The following VAV1 variants were observed in gnomAD, a reference collection of about 807,000 sequenced individuals.
VAV1 encodes proto-oncogene vav.
Under a neutral mutation model 128.1 loss-of-function variants are expected in VAV1, and 33 were observed. The ratio of observed to expected loss-of-function variants is 0.26; its 90% CI spans 0.20 to 0.34. The LOEUF (loss-of-function observed/expected upper bound fraction) is 0.34, where lower values mean the gene tolerates loss of function less well. Among genes scored for constraint, VAV1 ranks in the 10% least tolerant of loss-of-function variants. The pLI is 1.00. For synonymous variants in VAV1, 394 were observed against 409.8 expected, an observed-to-expected ratio of 0.96 and a Z score of 0.47; for missense variants, 715 against 1,093.7, an observed-to-expected ratio of 0.65 and a Z score of 4.88.
intron 1 of VAV1, among the ~76,000 whole-genome samples, chr19:6,784,774 G>A (rs1310917908): frequency 4.0e-5 from 6 of 151,766 alleles, no homozygotes; most frequent in Admixed American, 2.6e-4. Context: ...GATTACAGAC[G>A]TGAGCCACCA....
At chr19:6,784,493 CTTTTTT>C (rs10590205) in intron 1 of VAV1, among the ~76,000 whole-genome samples, 2 of 138,052 alleles carry the variant, frequency 1.4e-5, no homozygotes, top group Admixed American at 7.3e-5. Context: ...CATTCTGTTC[CTTTTTT>C]TTTTTTTTTT....
intron 1 of VAV1, among the ~76,000 whole-genome samples, chr19:6,773,734 T>C (rs911042185): frequency 6.6e-6 from 1 of 152,060 alleles, no homozygotes; most frequent in Non-Finnish European, 1.5e-5. Context: ...GATTTGACTG[T>C]GGCTGTATGA....
chr19:6,775,255 C>T (rs1970598410), intron 1 of VAV1, among the ~76,000 whole-genome samples: 1 of 152,178 alleles, frequency 6.6e-6, no homozygotes, highest in South Asian at 2.1e-4. Flanking sequence ...CTGTTAGGCC[C>T]CATCTGTTAG....
At chr19:6,850,225 G>GTTTTTTTTTTTTTTTTTTTT (rs760967154) in intron 23 of VAV1, among the ~76,000 whole-genome samples, 9 of 49,054 alleles carry the variant, frequency 1.8e-4, no homozygotes, top group East Asian at 5.6e-4. Flanking sequence ...TTGTTTCTTT[G>GTTTTTTTTTTTTTTTTTTTT]TTTTTTTTTT....
At position 6,828,246 on chromosome 19, in the gene VAV1, C is replaced by T; in HGVS notation, c.1023+75C>T. The T allele has an allele frequency of 6.4e-7, 1 of 1,572,214 alleles. No homozygotes were observed. The highest frequency in any genetic ancestry group is 8.7e-7 in the Non-Finnish European group (1 of 1,149,598). ...TCTATAAAAGTGGGGACGGGGCTGG[C>T]TTCTGGGGGTTGGGTCTCTAGGACG... On this transcript the variant is annotated intron_variant, in intron 10 of 26. Transcript: ENST00000602142. This position sits in a 1 kb window ranked among gnomAD's most constrained non-coding sequence, Gnocchi z 4.5.
At chr19:6,853,541 T>C (rs1294321625) in intron 25 of VAV1, among the ~76,000 whole-genome samples, 1 of 151,200 alleles carries the variant, frequency 6.6e-6, no homozygotes. Flanking sequence ...CTGGCCAACA[T>C]GGTGAAACTC....
intron 1 of VAV1, among the ~76,000 whole-genome samples, chr19:6,786,677 A>T (rs1444627871): frequency 6.6e-6 from 1 of 151,954 alleles, no homozygotes; most frequent in Non-Finnish European, 1.5e-5. Context: ...CAGCTACTCA[A>T]GAGGCTGAGG....
intron 1 of VAV1, among the ~76,000 whole-genome samples, chr19:6,819,318 G>A (rs1302648075): frequency 1.1e-4 from 16 of 151,974 alleles, no homozygotes; most frequent in Admixed American, 9.2e-4. Context: ...AGAAATGAGC[G>A]ATCTGTGAAA....
rs1320604525 is a variant in VAV1, at chr19:6,832,592, CT to C, written c.1508+394del. ...TCCCCTTCCTCCTCCTCGCCCTCCT[CT>C]TCCTCTTCCTCCTATTCCTCCTCCA... On this transcript the variant is annotated intron_variant, in intron 15 of 26. Coordinates refer to ENST00000602142, the MANE Select transcript of VAV1 (RefSeq NM_005428.4). Among the ~76,000 whole-genome samples the C allele has an allele frequency of 2.3e-3, 306 of 130,674 alleles. 2 individuals are homozygous for C. Among genetic ancestry groups the C allele is most frequent in the Middle Eastern group, 7.4e-3 (2 of 272 alleles). 85.7% of individuals were successfully genotyped at this position (130,674 alleles called of 152,430 possible).
Position 6,828,871 on chromosome 19 carries a change from C to T in VAV1, c.1236C>T (p.Thr412=), listed in dbSNP as rs757973890. ...AGATCGACGGGGAACTCAAGATCAC[C>T]TCGGTGGAACGGCGCTCCAAGATGG... ...RPKIDGELKI[T]SVERRSKMDR... The change falls in exon 13 of 27, where the codon ACC becomes ACT. Residue 412 remains threonine, a synonymous_variant. Coordinates refer to ENST00000602142, the MANE Select transcript of VAV1 (RefSeq NM_005428.4). This position sits in a 1 kb window ranked among gnomAD's most constrained non-coding sequence, Gnocchi z 4.5. 2 of 1,614,038 alleles carry T rather than the reference C, an allele frequency of 1.2e-6. No homozygotes were observed. Among genetic ancestry groups the T allele is most frequent in the Admixed American group, 1.7e-5 (1 of 59,992 alleles).
chr19:6,773,155 G>T, intron 1 of VAV1, 144 bp downstream of exon 1: 1 of 1,133,576 alleles, frequency 8.8e-7, no homozygotes, highest in Non-Finnish European at 1.3e-6. Flanking sequence ...TGGCCCAGGG[G>T]GTGGTCACAA....
chr19:6,804,106 T>C (rs76476983), intron 1 of VAV1, among the ~76,000 whole-genome samples: 4,796 of 152,124 alleles, frequency 0.032, 95 homozygotes, highest in South Asian at 0.07. Flanking sequence ...GCATGGAAGC[T>C]TTCCACGGCA....
intron 1 of VAV1, among the ~76,000 whole-genome samples, chr19:6,803,322 G>T (rs1001854923): frequency 4.6e-5 from 7 of 152,212 alleles, no homozygotes; most frequent in Admixed American, 4.6e-4. Context: ...TAGGAAAAGG[G>T]TGGTAACTTC....
intron 1 of VAV1, among the ~76,000 whole-genome samples, chr19:6,814,671 C>CTTTCTTT (rs540074087): frequency 0.036 from 938 of 25,750 alleles, 69 homozygotes; most frequent in Admixed American, 0.043. Context: ...TTCCTTCCTT[C>CTTTCTTT]CTTTCTTTCT....
chr19:6,834,110 G>T (rs1223391431), intron 19 of VAV1, among the ~76,000 whole-genome samples, 157 bp downstream of exon 19: 1 of 151,798 alleles, frequency 6.6e-6, no homozygotes, highest in Non-Finnish European at 1.5e-5. Context: ...GCCAAGGCGG[G>T]AGGATCGCTT....
At position 6,822,980 on chromosome 19, in the gene VAV1, A is replaced by G. The variant is rs967076291; in HGVS notation, c.654+466A>G. 6.8e-6 allele frequency among the ~76,000 whole-genome samples: 1 copy of G among 147,818 alleles called. No individual in the cohort carries two copies. Among genetic ancestry groups the G allele is most frequent in the East Asian group, 1.9e-4 (1 of 5,154 alleles). On this transcript the variant is annotated intron_variant, in intron 6 of 26. Transcript: ENST00000602142. The surrounding 1 kb of genome is among the most constrained non-coding windows in gnomAD (Gnocchi z 5.9). ...AATAATATATACAATATATAAATAT[A>G]TAAAATATAAAATGTAGATATATTG...
At chr19:6,824,820 G>A (rs189744948) in intron 6 of VAV1, among the ~76,000 whole-genome samples, 37 of 152,208 alleles carry the variant, frequency 2.4e-4, no homozygotes, top group Non-Finnish European at 5.3e-4. Context: ...GTGAGCCACC[G>A]CACCTGGCCG....
chr19:6,847,678 A>G (rs1220804429), intron 22 of VAV1, among the ~76,000 whole-genome samples: 1 of 152,064 alleles, frequency 6.6e-6, no homozygotes, highest in African/African-American at 2.4e-5. Context: ...AGATGGGCAC[A>G]CAGTGAGCCT....
At chr19:6,800,971 A>G (rs942635597) in intron 1 of VAV1, among the ~76,000 whole-genome samples, 1 of 152,096 alleles carries the variant, frequency 6.6e-6, no homozygotes, top group Non-Finnish European at 1.5e-5. Flanking sequence ...TCTCTCCTGT[A>G]CCACCCCAAA....
Sources: allele counts gnomAD v4.1 joint callset (sites outside exome capture counted in the v4.1 genomes callset), GRCh38; gene constraint gnomAD v4.1.1; non-coding constraint Gnocchi (gnomAD v3.1); transcripts MANE v1.5; gene names NCBI Gene and HGNC (gene_info 2026-07-23, HGNC 2026-07-21).